The following CFAP44 variants were observed in gnomAD, a reference collection of about 807,000 sequenced individuals.
CFAP44 encodes cilia- and flagella-associated protein 44.
In CFAP44, 134 loss-of-function variants were observed where a neutral mutation model predicts 216.2. The observed-to-expected ratio is 0.62, with a 90% CI of 0.54 to 0.72. The LOEUF (loss-of-function observed/expected upper bound fraction) is 0.72. Among genes scored for constraint, CFAP44 ranks in the 30% least tolerant of loss-of-function variants. CFAP44 has a pLI of 0.00. For missense variants in CFAP44, 2,035 were observed against 2,182.1 expected, an observed-to-expected ratio of 0.93 and a Z score of 1.34; for synonymous variants, 700 against 727.6, an observed-to-expected ratio of 0.96 and a Z score of 0.61.
At chr3:113,404,090 T>C in intron 8 of CFAP44, 74 bp from the exon 9 acceptor site, 1 of 1,382,942 alleles carries the variant, frequency 7.2e-7, no homozygotes, top group African/African-American at 1.5e-5. Context: ...AAATAGTAGG[T>C]GAAAATTATT....
chr3:113,348,719 G>C (rs996952156), intron 22 of CFAP44, among the ~76,000 whole-genome samples: 1 of 152,142 alleles, frequency 6.6e-6, no homozygotes, highest in Non-Finnish European at 1.5e-5. Flanking sequence ...AAGCTGTAGG[G>C]GGAGGGGAAT....
intron 12 of CFAP44, 72 bp downstream of exon 12, chr3:113,400,473 C>A: frequency 1.5e-6 from 2 of 1,312,368 alleles, no homozygotes; most frequent in South Asian, 1.7e-5. Flanking sequence ...TTAAGTCAAA[C>A]ACATATAAAA....
At chr3:113,427,989 T>C (rs1001792385) in intron 2 of CFAP44, among the ~76,000 whole-genome samples, 3 of 152,114 alleles carry the variant, frequency 2.0e-5, no homozygotes, top group African/African-American at 4.8e-5. Flanking sequence ...GAGATGAGGC[T>C]AAAAGATTAG....
intron 28 of CFAP44, among the ~76,000 whole-genome samples, chr3:113,321,105 T>C (rs777384130): frequency 4.6e-5 from 7 of 152,150 alleles, no homozygotes; most frequent in East Asian, 1.9e-4. Context: ...CTGATGAGCA[T>C]AGACGCAAAA....
At chr3:113,335,011 AT>A (rs774230659) in intron 24 of CFAP44, among the ~76,000 whole-genome samples, 3 of 152,180 alleles carry the variant, frequency 2.0e-5, no homozygotes, top group Non-Finnish European at 4.4e-5. Flanking sequence ...AAAATGAAGG[AT>A]TACTATTTTT....
intron 26 of CFAP44, among the ~76,000 whole-genome samples, chr3:113,328,729 CAGAG>C (rs1348943831): frequency 1.2e-5 from 1 of 83,478 alleles, no homozygotes; most frequent in African/African-American, 4.4e-5. Context: ...AAAAAAAAAA[CAGAG>C]AGAGAAGAAA....
At chr3:113,441,170 T>A (rs1281325693) in intron 1 of CFAP44, among the ~76,000 whole-genome samples, 1 of 152,212 alleles carries the variant, frequency 6.6e-6, no homozygotes, top group Non-Finnish European at 1.5e-5. Flanking sequence ...GCTGACTCGC[T>A]GCTGCTCTGA....
At chr3:113,422,627 T>G (rs1042882176) in intron 4 of CFAP44, among the ~76,000 whole-genome samples, 14 of 152,214 alleles carry the variant, frequency 9.2e-5, no homozygotes, top group Non-Finnish European at 2.1e-4. Flanking sequence ...TCAAGCCTCC[T>G]GGAGGAAGTT....
In CFAP44 at chr3:113,291,439, G is replaced by C; in HGVS notation, c.*118C>G. 8.1e-7 allele frequency: 1 copy of C among 1,231,394 alleles called. No homozygotes were observed. The highest frequency in any genetic ancestry group is 2.5e-5 in the Admixed American group (1 of 39,698). The allele number at this position is 1,231,394 out of a possible 1,614,324, so 76.3% of individuals were successfully genotyped here. ...AAGTGACTTAACGTGACTGGATCTG[G>C]TTTTACACTTTCAGGCGAGTTCAGT... is the stretch of plus-strand genomic sequence containing the variant. On this transcript the variant is annotated 3_prime_UTR_variant, in exon 35 of 35. Transcript: ENST00000393845.
At chr3:113,299,511 C>T (rs1949914420) in intron 32 of CFAP44, among the ~76,000 whole-genome samples, 1 of 152,034 alleles carries the variant, frequency 6.6e-6, no homozygotes, top group Non-Finnish European at 1.5e-5. Flanking sequence ...TGGAGATTCC[C>T]CAAAACACTA....
In CFAP44 at chr3:113,373,430, T is replaced by C; in HGVS notation, c.2425A>G (p.Ile809Val). 2 of 1,582,094 alleles carry C rather than the reference T, an allele frequency of 1.3e-6. No homozygotes were observed. The highest frequency in any genetic ancestry group is 1.7e-6 in the Non-Finnish European group (2 of 1,163,522). ...RYLADTEDNP[I>V]QTITFNINKV... is the part of the protein sequence containing the mutation. ...GCTCACTTGAAAGTGATAGTTTGGA[T>C]GGGATTGTCCTCTGTATCCGCAAGA... The change falls in exon 18 of 35, where the codon ATC (isoleucine) becomes GTC (valine). Residue 809 changes from isoleucine (I) to valine (V), a missense_variant. This residue lies in a region of CFAP44 where 1,883 missense variants were observed against 2,023.7 expected (regional missense o/e 0.93). Transcript: ENST00000393845.
chr3:113,420,474 A>T (rs1319087334), intron 4 of CFAP44, among the ~76,000 whole-genome samples: 1 of 152,226 alleles, frequency 6.6e-6, no homozygotes, highest in Admixed American at 6.5e-5. Context: ...GGAAATCCTG[A>T]GAGCCCATTA....
chr3:113,437,898 GC>G (rs1224373209), intron 1 of CFAP44, among the ~76,000 whole-genome samples: 1 of 152,130 alleles, frequency 6.6e-6, no homozygotes, highest in Non-Finnish European at 1.5e-5. Flanking sequence ...ATCCCTGCTT[GC>G]CCAAGAAACA....
At chr3:113,429,050 A>G (rs921689468) in intron 2 of CFAP44, 1 of 152,174 alleles carries the variant, frequency 6.6e-6, no homozygotes, top group South Asian at 2.1e-4. Context: ...GGTTGCACAT[A>G]CAGAAAAATC....
chr3:113,418,842 T>C (rs1006396521), intron 5 of CFAP44, among the ~76,000 whole-genome samples: 4 of 151,986 alleles, frequency 2.6e-5, no homozygotes, highest in Non-Finnish European at 5.9e-5. Flanking sequence ...GTAGCCGGGA[T>C]TACAGGCGCG....
intron 32 of CFAP44, 50 bp from the exon 33 acceptor site, chr3:113,296,935 A>T (rs1414557174): frequency 6.6e-7 from 1 of 1,520,412 alleles, no homozygotes; most frequent in Non-Finnish European, 8.8e-7. Flanking sequence ...TCCCATTGTT[A>T]TAAATGAACA....
rs1005447146 is a variant in CFAP44, at chr3:113,289,344, C to T, written c.*2213G>A. On this transcript the variant is annotated 3_prime_UTR_variant, in exon 35 of 35. Transcript: ENST00000393845. ...GTTTGGGAATAATTATCCCGATTAG[C>T]TTTCCTCTCAGTTGAAATGCACAGC... The T allele has an allele frequency of 6.6e-6, 1 of 152,192 alleles. No individual in the cohort carries two copies. The highest frequency in any genetic ancestry group is 2.4e-5 in the African/African-American group (1 of 41,444). 9.4% of individuals were successfully genotyped at this position (152,192 alleles called of 1,614,324 possible).
rs1175789086 is a variant in CFAP44 at position 113,308,271 on chromosome 3, A to G, written c.4517-3T>C. ...TTCCTCACTCTCCTCATCTTCATCT[A>G]TGGAAAGAGGAGGGCATTGTTAACA... is the stretch of plus-strand genomic sequence containing the variant. On this transcript the variant is annotated splice_region_variant and splice_polypyrimidine_tract_variant and intron_variant, in intron 28 of 34. Coordinates refer to ENST00000393845, the MANE Select transcript of CFAP44 (RefSeq NM_001164496.2). 4.6e-6 allele frequency: 7 copies of G among 1,526,182 alleles called. No homozygotes were observed. Among genetic ancestry groups the G allele is most frequent in the Non-Finnish European group, 6.1e-6 (7 of 1,142,816 alleles). 94.5% of individuals were successfully genotyped at this position (1,526,182 alleles called of 1,614,324 possible).
chr3:113,386,378 ATT>A (rs1004651598), intron 15 of CFAP44, among the ~76,000 whole-genome samples: 1 of 152,062 alleles, frequency 6.6e-6, no homozygotes, highest in African/African-American at 2.4e-5. Flanking sequence ...ATAGGGAAGG[ATT>A]TACTATTGTT....
Sources: gnomAD v4.1 joint callset for allele counts (sites outside exome capture counted in the v4.1 genomes callset) on GRCh38, gnomAD v4.1.1 for gene constraint, gnomAD v4.1.1 regional missense constraint, MANE v1.5 for transcripts, NCBI Gene and HGNC (gene_info 2026-07-23, HGNC 2026-07-21) for gene names.